PRKD1: variants seen among roughly 807,000 people sequenced by gnomAD.
The protein encoded by PRKD1 is protein kinase D1.
A neutral mutation model predicts 95.9 loss-of-function variants in PRKD1; 63 were observed. The ratio of observed to expected loss-of-function variants is 0.66; its 90% CI spans 0.54 to 0.81. PRKD1 has a LOEUF of 0.81. Among genes scored for constraint, PRKD1 ranks in the 30% least tolerant of loss-of-function variants. The pLI, the probability that PRKD1 is intolerant of heterozygous loss-of-function variation, is 0.00. For missense variants in PRKD1, 1,048 were observed against 1,165.3 expected (o/e 0.90, Z 1.47); for synonymous variants, 425 against 423.1 (o/e 1.00, Z -0.05).
chr14:29,825,691 C>G (rs1891081863), intron 1 of PRKD1, among the ~76,000 whole-genome samples: 1 of 152,054 alleles, frequency 6.6e-6, no homozygotes, highest in Admixed American at 6.6e-5. Context: ...GACTGTTTAT[C>G]AACTGTAACT....
At chr14:29,643,555 T>A (rs1020291046) in intron 4 of PRKD1, among the ~76,000 whole-genome samples, 4 of 152,222 alleles carry the variant, frequency 2.6e-5, no homozygotes, top group African/African-American at 9.6e-5. Context: ...GCTAAATTAA[T>A]GACTCAGCAA....
chr14:29,650,581 G>C (rs1440969942), intron 4 of PRKD1: 1 of 152,276 alleles, frequency 6.6e-6, no homozygotes, highest in East Asian at 1.9e-4. Flanking sequence ...GGGGGCAGGA[G>C]AGTTTATTTA....
chr14:29,643,143 T>C (rs1437203792), intron 4 of PRKD1, among the ~76,000 whole-genome samples: 1 of 152,158 alleles, frequency 6.6e-6, no homozygotes, highest in African/African-American at 2.4e-5. Context: ...TTGGATCAAC[T>C]TACAGGTGTG....
Position 29,636,157 on chromosome 14 carries a change from C to T in PRKD1, c.1190+133G>A, listed in dbSNP as rs898002521. ...ACTTCAAAGGCTCTCATTTACAGCA[C>T]GCAGTTCATTCATATAAAAGTAAAC... On this transcript the variant is annotated intron_variant, in intron 7 of 17. Transcript: ENST00000331968. 38 of 1,074,344 alleles carry T rather than the reference C, an allele frequency of 3.5e-5. 1 individual carries two copies. The Middle Eastern group carries it at 1.3e-3, about 36-fold the overall frequency. 66.6% of individuals were successfully genotyped at this position (1,074,344 alleles called of 1,614,324 possible).
At chr14:29,797,303 T>C (rs910981703) in intron 1 of PRKD1, among the ~76,000 whole-genome samples, 1 of 152,212 alleles carries the variant, frequency 6.6e-6, no homozygotes, top group Non-Finnish European at 1.5e-5. Flanking sequence ...TTGTAAGCGA[T>C]GGATTAAAAT....
At chr14:29,640,265 A>G (rs758876985) in intron 4 of PRKD1, among the ~76,000 whole-genome samples, 12 of 152,136 alleles carry the variant, frequency 7.9e-5, no homozygotes, top group African/African-American at 2.7e-4. Flanking sequence ...TTATCACCAT[A>G]CTCAGTTAAT....
intron 4 of PRKD1, among the ~76,000 whole-genome samples, chr14:29,659,385 G>A (rs60159643): frequency 0.047 from 7,152 of 152,020 alleles, 206 homozygotes; most frequent in South Asian, 0.081. Context: ...CACCACTACT[G>A]GTTTCTAATT....
At chr14:29,844,069 T>C (rs1160874282) in intron 1 of PRKD1, among the ~76,000 whole-genome samples, 3 of 152,200 alleles carry the variant, frequency 2.0e-5, no homozygotes, top group Non-Finnish European at 4.4e-5. Flanking sequence ...AGCTATTGTG[T>C]GGAGGGCCTG....
At chr14:29,902,849 A>T (rs55893141) in intron 1 of PRKD1, among the ~76,000 whole-genome samples, 77,171 of 152,176 alleles carry the variant, frequency 0.51, 22,898 homozygotes, top group African/African-American at 0.83. Flanking sequence ...AAAATAAAAA[A>T]AAAATCATCT....
intron 2 of PRKD1, among the ~76,000 whole-genome samples, chr14:29,711,134 C>T (rs10149558): frequency 0.51 from 77,230 of 151,926 alleles, 21,890 homozygotes; most frequent in African/African-American, 0.77. Flanking sequence ...TTTGACTCAA[C>T]AGATAAACAT....
intron 16 of PRKD1, among the ~76,000 whole-genome samples, chr14:29,580,732 G>T (rs1323643062): frequency 6.6e-6 from 1 of 152,054 alleles, no homozygotes; most frequent in East Asian, 1.9e-4. Flanking sequence ...ACACAGTTTA[G>T]AGGCTTTTTT....
intron 2 of PRKD1, among the ~76,000 whole-genome samples, chr14:29,695,996 A>G (rs10151056): frequency 0.52 from 78,850 of 152,136 alleles, 23,039 homozygotes; most frequent in African/African-American, 0.8. Flanking sequence ...TAGCTGATCC[A>G]TTTGAGCCAG....
At chr14:29,678,149 C>T (rs1403544731) in intron 2 of PRKD1, among the ~76,000 whole-genome samples, 1 of 151,954 alleles carries the variant, frequency 6.6e-6, no homozygotes, top group African/African-American at 2.4e-5. Flanking sequence ...TTCCATTTTT[C>T]CAAACATTTT....
At chr14:29,809,956 A>G (rs1263501321) in intron 1 of PRKD1, among the ~76,000 whole-genome samples, 1 of 152,162 alleles carries the variant, frequency 6.6e-6, no homozygotes, top group East Asian at 1.9e-4. Context: ...CTTTCACTTG[A>G]CCCTTAGAAG....
intron 4 of PRKD1, chr14:29,656,423 T>G (rs2139191643): frequency 6.8e-7 from 1 of 1,469,656 alleles, no homozygotes; most frequent in South Asian, 1.2e-5. Context: ...AATATGCTGG[T>G]TTGAAAAAGA....
intron 13 of PRKD1, among the ~76,000 whole-genome samples, chr14:29,608,716 A>T (rs1361825554): frequency 1.3e-5 from 2 of 152,166 alleles, no homozygotes; most frequent in African/African-American, 4.8e-5. Context: ...TCTAAGGTCA[A>T]TTAAGGGAAA....
chr14:29,709,227 T>A (rs1885227187), intron 2 of PRKD1, among the ~76,000 whole-genome samples: 1 of 152,206 alleles, frequency 6.6e-6, no homozygotes, highest in Non-Finnish European at 1.5e-5. Context: ...AGACATACAA[T>A]TTATTTCCTT....
rs150538402 is a variant in PRKD1, at chr14:29,888,594, C to T, written c.264+38655G>A. Among the ~76,000 whole-genome samples the T allele has an allele frequency of 9.5e-4, 145 of 152,172 alleles. 3 individuals are homozygous for T. The highest frequency in any genetic ancestry group is 3.4e-3 in the African/African-American group (140 of 41,506). On this transcript the variant is annotated intron_variant, in intron 1 of 17. Coordinates refer to ENST00000331968, the MANE Select transcript of PRKD1 (RefSeq NM_002742.3). ...TGTTAGCAGCAAATCCGAAGTGGTA[C>T]TTGAGGAAAGTCTATGACATCTAAG...
chr14:29,634,571 A>T, intron 7 of PRKD1, 30 bp from the exon 8 acceptor site: 1 of 1,613,106 alleles, frequency 6.2e-7, no homozygotes, highest in Non-Finnish European at 8.5e-7. Flanking sequence ...GTAGGGAAAA[A>T]ATGTTTTCAG....
Sources: gnomAD v4.1 joint callset for allele counts (sites outside exome capture counted in the v4.1 genomes callset) on GRCh38, gnomAD v4.1.1 for gene constraint, MANE v1.5 for transcripts, NCBI Gene and HGNC (gene_info 2026-07-23, HGNC 2026-07-21) for gene names.